PCDHA5: variants seen among roughly 807,000 people sequenced by gnomAD.
PCDHA5 encodes protocadherin alpha-5.
A neutral mutation model predicts 61.6 loss-of-function variants in PCDHA5; 43 were observed. The ratio of observed to expected loss-of-function variants is 0.70; its 90% CI spans 0.55 to 0.90. PCDHA5 has a LOEUF of 0.90. Among genes scored for constraint, PCDHA5 ranks in the 40% least tolerant of loss-of-function variants. The probability of loss-of-function intolerance (pLI) is 0.00; values close to 1 mark genes in which losing one functional copy is unlikely to be tolerated. For missense variants in PCDHA5, 1,298 were observed against 1,222.7 expected, an observed-to-expected ratio of 1.06 and a Z score of -0.92; for synonymous variants, 627 against 543.9, an observed-to-expected ratio of 1.15 and a Z score of -2.13.
intron 1 of PCDHA5, among the ~76,000 whole-genome samples, chr5:140,826,782 C>T (rs1443804461): frequency 6.6e-6 from 1 of 152,004 alleles, no homozygotes; most frequent in Non-Finnish European, 1.5e-5. Flanking sequence ...TGAAAATAAC[C>T]TGCAAAAAGT....
intron 1 of PCDHA5, chr5:140,927,446 TG>T: frequency 2.1e-5 from 34 of 1,614,128 alleles, no homozygotes; most frequent in Non-Finnish European, 2.5e-5. Flanking sequence ...TACCCGGAGT[TG>T]GTGTTGGAGA....
At chr5:140,940,764 G>C (rs977154290) in intron 1 of PCDHA5, among the ~76,000 whole-genome samples, 1 of 152,080 alleles carries the variant, frequency 6.6e-6, no homozygotes, top group Non-Finnish European at 1.5e-5. Context: ...ACTTTTATTT[G>C]ACTTTTGATG....
chr5:141,005,936 G>A (rs1233031842), intron 3 of PCDHA5, among the ~76,000 whole-genome samples: 1 of 151,890 alleles, frequency 6.6e-6, no homozygotes, highest in African/African-American at 2.4e-5. Context: ...GACAGAGTGA[G>A]AACCTATCTC....
intron 1 of PCDHA5, among the ~76,000 whole-genome samples, chr5:140,891,246 AT>A (rs1213637493): frequency 2.0e-5 from 3 of 151,650 alleles, no homozygotes; most frequent in Non-Finnish European, 4.4e-5. Flanking sequence ...ATTCAGTAGG[AT>A]TTTTTTTAAT....
chr5:140,999,934 T>C (rs1236304987), intron 3 of PCDHA5, among the ~76,000 whole-genome samples: 1 of 152,068 alleles, frequency 6.6e-6, no homozygotes, highest in Non-Finnish European at 1.5e-5. Context: ...GCTCAACTCA[T>C]TCCACCCAAA....
intron 1 of PCDHA5, chr5:140,859,327 AAAT>A (rs2045812871): frequency 7.8e-6 from 1 of 128,784 alleles, no homozygotes; most frequent in Non-Finnish European, 1.8e-5. Flanking sequence ...TTTGAGGAGA[AAAT>A]AAAATTAATG....
At chr5:140,941,797 A>G (rs1425454318) in intron 1 of PCDHA5, among the ~76,000 whole-genome samples, 1 of 152,224 alleles carries the variant, frequency 6.6e-6, no homozygotes, top group African/African-American at 2.4e-5. Flanking sequence ...AAGAATATTT[A>G]GTTGATTTCA....
chr5:140,901,263 G>A (rs967047702), intron 1 of PCDHA5, among the ~76,000 whole-genome samples: 1 of 151,938 alleles, frequency 6.6e-6, no homozygotes, highest in Admixed American at 6.6e-5. Flanking sequence ...GTGATTGTGG[G>A]GTATTACTCA....
Position 140,982,836 on chromosome 5 carries a change from T to C in PCDHA5, c.2500+273T>C, listed in dbSNP as rs2097010696. 2.6e-5 allele frequency among the ~76,000 whole-genome samples: 4 copies of C among 152,244 alleles called. No individual in the cohort carries two copies. The South Asian group carries it at 8.3e-4, about 32-fold the overall frequency. ...ATGAAGTTTTTGGGGTTTGTTTGTT[T>C]GTTTAAATCAGGTACCTTTCAAATG... On this transcript the variant is annotated intron_variant, in intron 3 of 3. Coordinates refer to ENST00000529859, the MANE Select transcript of PCDHA5 (RefSeq NM_018908.3).
intron 1 of PCDHA5, among the ~76,000 whole-genome samples, chr5:140,874,638 C>A (rs2055040349): frequency 6.6e-6 from 1 of 152,272 alleles, no homozygotes; most frequent in South Asian, 2.1e-4. Context: ...AAGTGCTTTA[C>A]TTTTGCTAGA....
intron 1 of PCDHA5, chr5:140,830,827 A>G (rs1334239168): frequency 6.4e-6 from 1 of 155,422 alleles, no homozygotes; most frequent in African/African-American, 2.4e-5. Context: ...TTTGAGCTTT[A>G]GGATAATTTT....
intron 1 of PCDHA5, chr5:140,870,813 C>T (rs568167153): frequency 1.2e-6 from 2 of 1,613,702 alleles, no homozygotes; most frequent in South Asian, 1.1e-5. Flanking sequence ...CTCAGGCTGG[C>T]AGCGCGGGAG....
At chr5:140,842,623 G>T in intron 1 of PCDHA5, 2 of 1,579,148 alleles carry the variant, frequency 1.3e-6, no homozygotes, top group Non-Finnish European at 1.7e-6. Context: ...GCTCGCCTTC[G>T]CTGTGGGCCA....
intron 1 of PCDHA5, chr5:140,830,275 C>T: frequency 6.2e-7 from 1 of 1,613,816 alleles, no homozygotes; most frequent in Non-Finnish European, 8.5e-7. Context: ...CGCCACCCAC[C>T]GAGGGCGCGT....
chr5:140,855,966 T>G (rs1554148056), intron 1 of PCDHA5: 7 of 1,422,780 alleles, frequency 4.9e-6, no homozygotes, highest in Non-Finnish European at 2.9e-6. Flanking sequence ...AAAATAGATA[T>G]AAGAAATAGG....
intron 1 of PCDHA5, chr5:140,870,343 C>T (rs375366430): frequency 1.9e-6 from 3 of 1,614,160 alleles, no homozygotes; most frequent in African/African-American, 2.7e-5. Flanking sequence ...CGCCCTGGAC[C>T]GCGAGAACGT....
chr5:140,853,646 G>T (rs1277332064), intron 1 of PCDHA5: 1 of 988,662 alleles, frequency 1.0e-6, no homozygotes, highest in Non-Finnish European at 1.2e-6. Flanking sequence ...CCTAAATTGA[G>T]CCTGTTCCAG....
At chr5:140,927,729 G>C (rs2084563367) in intron 1 of PCDHA5, 1 of 1,614,098 alleles carries the variant, frequency 6.2e-7, no homozygotes, top group South Asian at 1.1e-5. Context: ...CGCAAGCAGA[G>C]CTGCGACACC....
chr5:140,835,575 G>C (rs1554135076), intron 1 of PCDHA5: 3 of 1,613,752 alleles, frequency 1.9e-6, no homozygotes, highest in Non-Finnish European at 2.5e-6. Flanking sequence ...CTTCAAGTTG[G>C]TGTCCACCTT....
Sources: allele counts gnomAD v4.1 joint callset (sites outside exome capture counted in the v4.1 genomes callset), GRCh38; gene constraint gnomAD v4.1.1; transcripts MANE v1.5; gene names NCBI Gene and HGNC (gene_info 2026-07-23, HGNC 2026-07-21).